The following ARFIP1 variants were observed in gnomAD, a reference collection of about 807,000 sequenced individuals.
ARFIP1 encodes the protein ARF interacting protein 1, also known as arfaptin-1.
Under a neutral mutation model 42.5 loss-of-function variants are expected in ARFIP1, and 24 were observed. That is an observed-to-expected ratio of 0.57 (90% confidence interval 0.41 to 0.80). The LOEUF (loss-of-function observed/expected upper bound fraction) is 0.80, where lower values mean the gene tolerates loss of function less well. Ranked by LOEUF, ARFIP1 falls within the 30% of genes least tolerant of loss-of-function variation. ARFIP1 has a pLI of 0.00. For synonymous variants in ARFIP1, 141 were observed against 153.7 expected, an observed-to-expected ratio of 0.92 and a Z score of 0.61; for missense variants, 354 against 434.0, an observed-to-expected ratio of 0.82 and a Z score of 1.64.
chr4:152,879,175 T>G (rs940321973), intron 5 of ARFIP1, among the ~76,000 whole-genome samples: 1 of 151,092 alleles, frequency 6.6e-6, no homozygotes, highest in Admixed American at 6.6e-5. Flanking sequence ...AAAATAACAC[T>G]CTTTTGTTAA....
chr4:152,846,396 A>C (rs1475158361), intron 2 of ARFIP1, among the ~76,000 whole-genome samples: 3 of 152,064 alleles, frequency 2.0e-5, no homozygotes, highest in Non-Finnish European at 2.9e-5. Flanking sequence ...CACACACACA[A>C]AGAGCATATG....
intron 1 of ARFIP1, among the ~76,000 whole-genome samples, chr4:152,804,171 C>CATTATATATAATATAAG (rs1728708660): frequency 2.2e-5 from 1 of 44,456 alleles, no homozygotes; most frequent in Non-Finnish European, 4.4e-5. Context: ...TATAATATAA[C>CATTATATATAATATAAG]ATGTATTATA....
chr4:152,895,403 T>G (rs1737223540), intron 8 of ARFIP1, among the ~76,000 whole-genome samples: 1 of 152,158 alleles, frequency 6.6e-6, no homozygotes, highest in Non-Finnish European at 1.5e-5. Flanking sequence ...ATTTAGTTAT[T>G]TGAGACAGGG....
intron 5 of ARFIP1, among the ~76,000 whole-genome samples, chr4:152,877,695 A>G (rs1561163731): frequency 6.6e-6 from 1 of 152,256 alleles, no homozygotes; most frequent in East Asian, 1.9e-4. Context: ...CTTGAGTTGT[A>G]TCTCCCAGAA....
At chr4:152,850,424 T>G (rs181138069) in intron 2 of ARFIP1, among the ~76,000 whole-genome samples, 1 of 152,030 alleles carries the variant, frequency 6.6e-6, no homozygotes, top group East Asian at 1.9e-4. Flanking sequence ...CTTCAATAAA[T>G]ATTTGAAATT....
At chr4:152,815,833 C>T (rs1729835390) in intron 1 of ARFIP1, among the ~76,000 whole-genome samples, 1 of 149,436 alleles carries the variant, frequency 6.7e-6, no homozygotes, top group African/African-American at 2.5e-5. Flanking sequence ...CAAGCTCCGC[C>T]TCCCGGGTTC....
At chr4:152,909,655 A>G (rs1367521669) in intron 8 of ARFIP1, among the ~76,000 whole-genome samples, 2 of 152,348 alleles carry the variant, frequency 1.3e-5, no homozygotes, top group East Asian at 3.9e-4. Flanking sequence ...CTTGGCTTAC[A>G]TAAAGCTTAG....
At chr4:152,790,441 A>T (rs1731079265) in intron 1 of ARFIP1, among the ~76,000 whole-genome samples, 1 of 151,990 alleles carries the variant, frequency 6.6e-6, no homozygotes, top group Admixed American at 6.6e-5. Context: ...AATAATTTAG[A>T]GTTAATTTAC....
At chr4:152,853,905 C>CTTTTTTTTTTTTTTT (rs36055484) in intron 2 of ARFIP1, among the ~76,000 whole-genome samples, 2 of 74,764 alleles carry the variant, frequency 2.7e-5, no homozygotes, top group Admixed American at 1.7e-4. Context: ...TTCTGAGATT[C>CTTTTTTTTTTTTTTT]TTTTTTTTTT....
intron 5 of ARFIP1, among the ~76,000 whole-genome samples, chr4:152,880,499 C>T (rs1050492492): frequency 2.0e-5 from 3 of 152,038 alleles, no homozygotes; most frequent in Non-Finnish European, 4.4e-5. Flanking sequence ...TTCCTTCCTT[C>T]CTGTTTCTTC....
intron 2 of ARFIP1, among the ~76,000 whole-genome samples, chr4:152,840,907 A>G: frequency 6.6e-6 from 1 of 150,650 alleles, no homozygotes; most frequent in East Asian, 2.0e-4. Context: ...TTTGGTAGAG[A>G]CAGGGTTTCA....
At chr4:152,822,141 C>G (rs1264709004) in intron 1 of ARFIP1, among the ~76,000 whole-genome samples, 1 of 151,702 alleles carries the variant, frequency 6.6e-6, no homozygotes, top group Non-Finnish European at 1.5e-5. Flanking sequence ...AATTGCAAAC[C>G]AAGTATCTGC....
intron 8 of ARFIP1, among the ~76,000 whole-genome samples, chr4:152,906,714 C>G (rs4696362): frequency 0.38 from 57,678 of 151,974 alleles, 11,998 homozygotes; most frequent in Admixed American, 0.49. Flanking sequence ...AGACAAGGAG[C>G]CAGATCTTTT....
chr4:152,890,144 T>G (rs904661110), intron 8 of ARFIP1, among the ~76,000 whole-genome samples: 2 of 151,864 alleles, frequency 1.3e-5, no homozygotes, highest in Non-Finnish European at 2.9e-5. Flanking sequence ...AAAAGTAGAC[T>G]AACATAGTGA....
At chr4:152,868,344 T>G (rs889798929) in intron 3 of ARFIP1, among the ~76,000 whole-genome samples, 18 of 152,186 alleles carry the variant, frequency 1.2e-4, no homozygotes, top group Non-Finnish European at 2.5e-4. Context: ...GTTGTTGAGA[T>G]GAAATAGATT....
chr4:152,787,906 T>G (rs1353465773), intron 1 of ARFIP1, among the ~76,000 whole-genome samples: 8 of 152,240 alleles, frequency 5.3e-5, no homozygotes, highest in Non-Finnish European at 7.3e-5. Context: ...AATTTTCAGT[T>G]TGACTATTTC....
Position 152,910,123 on chromosome 4 carries a change from T to C in ARFIP1, c.1026T>C (p.Ala342=). Reference sequence around the variant, plus strand: ...ACAATGCCATTGCCGCTTACTTTGCTGGGAATCAGAAGCAGCTTGAACAGA... The same window carrying C: ...ACAATGCCATTGCCGCTTACTTTGCCGGGAATCAGAAGCAGCTTGAACAGA... ...LFHNAIAAYF[A]GNQKQLEQTL... Residue 342 remains alanine, a synonymous_variant, in exon 9 of 9, where the codon GCT becomes GCC. Coordinates refer to ENST00000353617, the MANE Select transcript of ARFIP1 (RefSeq NM_001025595.3). The C allele has an allele frequency of 6.2e-7, 1 of 1,614,214 alleles. No individual in the cohort carries two copies. Among genetic ancestry groups the C allele is most frequent in the Non-Finnish European group, 8.5e-7 (1 of 1,180,020 alleles).
chr4:152,785,531 G>C (rs1401176459), intron 1 of ARFIP1, among the ~76,000 whole-genome samples: 1 of 152,188 alleles, frequency 6.6e-6, no homozygotes, highest in Non-Finnish European at 1.5e-5. Context: ...TTGAACTCCT[G>C]GGCTCAAGCG....
At chr4:152,842,093 G>A (rs1354149664) in intron 2 of ARFIP1, among the ~76,000 whole-genome samples, 1 of 152,080 alleles carries the variant, frequency 6.6e-6, no homozygotes, top group East Asian at 1.9e-4. Context: ...CTTTAAACAC[G>A]GGGCTTGCAA....
Sources: allele counts gnomAD v4.1 joint callset (sites outside exome capture counted in the v4.1 genomes callset), GRCh38; gene constraint gnomAD v4.1.1; transcripts MANE v1.5; gene names NCBI Gene and HGNC (gene_info 2026-07-23, HGNC 2026-07-21).